The following ZNF600 variants were observed in gnomAD, a reference collection of about 807,000 sequenced individuals.
ZNF600 encodes zinc finger protein 600.
In ZNF600, 4 loss-of-function variants were observed where a neutral mutation model predicts 7.3. The observed-to-expected ratio is 0.55, with a 90% CI of 0.27 to 1.25. The LOEUF (loss-of-function observed/expected upper bound fraction) is 1.25. Ranked by LOEUF, ZNF600 falls within the 50% of genes most tolerant of loss-of-function variation. ZNF600 has a pLI of 0.12. For synonymous variants in ZNF600, 290 were observed against 308.9 expected, an observed-to-expected ratio of 0.94 and a Z score of 0.64; for missense variants, 911 against 922.1, an observed-to-expected ratio of 0.99 and a Z score of 0.16.
At chr19:52,810,124 G>C in the ZNF600 span, 2 of 839,538 alleles carry the variant, frequency 2.4e-6, no homozygotes, top group East Asian at 4.9e-5. Context: ...GAGGAGCCGG[G>C]ACTGGTCGAG....
At chr19:52,791,560 G>A (rs2147600957), upstream of ZNF600, among the ~76,000 whole-genome samples, 2 of 150,362 alleles carry the variant, frequency 1.3e-5, no homozygotes, top group Middle Eastern at 3.4e-3. Flanking sequence ...CATGCAACAT[G>A]AGTCCTTAGA....
chr19:52,774,912 A>G (rs1171582716), intron 2 of ZNF600, among the ~76,000 whole-genome samples: 1 of 152,134 alleles, frequency 6.6e-6, no homozygotes, highest in Non-Finnish European at 1.5e-5. Flanking sequence ...GGAAGTCTCA[A>G]TTTCATAGAC....
At chr19:52,823,960 G>T in the ZNF600 span, among the ~76,000 whole-genome samples, 1 of 151,968 alleles carries the variant, frequency 6.6e-6, no homozygotes, top group Non-Finnish European at 1.5e-5. Context: ...CTACTCGGGA[G>T]GCTGAGGGAG....
the ZNF600 span, chr19:52,798,555 T>A: frequency 1.8e-5 from 9 of 506,038 alleles, no homozygotes; most frequent in Admixed American, 6.4e-5. Flanking sequence ...CTGATGTCTA[T>A]TGAGGTGTGA....
At chr19:52,793,801 CACACACACACACACACA>C in the ZNF600 span, among the ~76,000 whole-genome samples, 18 of 147,458 alleles carry the variant, frequency 1.2e-4, no homozygotes, top group African/African-American at 3.6e-4. Context: ...CACACACACA[CACACACACACACACACA>C]AAAGTGATGT....
intron 1 of ZNF600, among the ~76,000 whole-genome samples, chr19:52,783,773 A>G (rs577632919): frequency 6.6e-6 from 1 of 151,604 alleles, no homozygotes; most frequent in East Asian, 1.9e-4. Flanking sequence ...GTTTTGCTCC[A>G]TTCTTTTTTG....
the ZNF600 span, among the ~76,000 whole-genome samples, chr19:52,827,808 G>A: frequency 6.6e-6 from 1 of 151,896 alleles, no homozygotes; most frequent in Non-Finnish European, 1.5e-5. Context: ...GCCTCCCAAA[G>A]TGCTGGGATA....
chr19:52,810,858 T>TC, the ZNF600 span: 1 of 45,064 alleles, frequency 2.2e-5, no homozygotes, highest in Non-Finnish European at 3.5e-5. Context: ...CCTCTCCCTC[T>TC]CCCCCTCCCC....
upstream of ZNF600, among the ~76,000 whole-genome samples, chr19:52,791,135 T>TGCAC (rs2062789908): frequency 6.6e-6 from 1 of 152,266 alleles, no homozygotes; most frequent in African/African-American, 2.4e-5. Context: ...TATTAAAGTA[T>TGCAC]ATGTTTCATA....
At chr19:52,783,152 C>T (rs1047249881) in intron 1 of ZNF600, among the ~76,000 whole-genome samples, 4 of 151,510 alleles carry the variant, frequency 2.6e-5, no homozygotes, top group East Asian at 1.9e-4. Context: ...CTGCCTCTGA[C>T]GCCATCATTA....
At chr19:52,814,063 T>C in the ZNF600 span, among the ~76,000 whole-genome samples, 1 of 146,678 alleles carries the variant, frequency 6.8e-6, no homozygotes, top group Admixed American at 6.9e-5. Flanking sequence ...TACTACAGAA[T>C]TTCTTCTAAA....
At chr19:52,765,921 C>G (rs775285032) in exon 4 of ZNF600, 1 of 1,614,124 alleles carries the variant, frequency 6.2e-7, no homozygotes, top group Non-Finnish European at 8.5e-7. Context: ...ACATTCATTA[C>G]ACTTGTAAGG....
At chr19:52,816,659 C>A in the ZNF600 span, among the ~76,000 whole-genome samples, 4 of 85,068 alleles carry the variant, frequency 4.7e-5, no homozygotes, top group Admixed American at 3.5e-4. Context: ...GTGAAAACAT[C>A]ATCTCAAAAA....
At position 52,771,758 on chromosome 19, in the gene ZNF600, G is replaced by A. The variant is rs1020640065; in HGVS notation, c.190+2817C>T. 5.9e-5 allele frequency among the ~76,000 whole-genome samples: 9 copies of A among 152,214 alleles called. No homozygotes were observed. The East Asian group carries it at 1.4e-3, about 23-fold the overall frequency. On this transcript the variant is annotated intron_variant, in intron 3 of 3. Transcript: ENST00000648973. ...CTCCCAAATTTTTGGGATTATAGTC[G>A]TGAGCCATCACGCCCGTCCAATTTT...
chr19:52,767,855 C>A (rs1310526759), intron 3 of ZNF600, 83 bp from the exon 6 acceptor site: 23 of 1,453,652 alleles, frequency 1.6e-5, no homozygotes, highest in Non-Finnish European at 2.1e-5. Flanking sequence ...ACACAAAAAA[C>A]AATACTTATT....
chr19:52,781,762 T>TAA (rs57635477), intron 1 of ZNF600, among the ~76,000 whole-genome samples: 5 of 142,440 alleles, frequency 3.5e-5, no homozygotes, highest in Non-Finnish European at 6.2e-5. Context: ...CACTCTATCT[T>TAA]AAAAAAAAAA....
At chr19:52,775,148 G>A (rs888627146) in intron 2 of ZNF600, among the ~76,000 whole-genome samples, 1 of 152,136 alleles carries the variant, frequency 6.6e-6, no homozygotes, top group Non-Finnish European at 1.5e-5. Context: ...GCTGAGGCAG[G>A]AGAATCACTT....
In ZNF600 at chr19:52,768,884, G is replaced by A. The variant is rs376746168; in HGVS notation, c.191-1112C>T. On this transcript the variant is annotated intron_variant, in intron 3 of 3. Transcript: ENST00000648973. ...GAATGTCATTAATCATTAGTTGGTA[G>A]CAATTACTCTTTATTCCAATATTAT... Among the ~76,000 whole-genome samples the A allele has an allele frequency of 4.9e-4, 74 of 152,228 alleles. 1 individual carries two copies. The highest frequency in any genetic ancestry group is 1.7e-3 in the African/African-American group (69 of 41,542).
chr19:52,813,905 G>A, the ZNF600 span, among the ~76,000 whole-genome samples: 1 of 146,068 alleles, frequency 6.8e-6, no homozygotes, highest in Non-Finnish European at 1.5e-5. Context: ...GAGGAAGTGG[G>A]AACAGGGAGG....
Sources: allele counts gnomAD v4.1 joint callset (sites outside exome capture counted in the v4.1 genomes callset), GRCh38; gene constraint gnomAD v4.1.1; transcripts MANE v1.5; gene names NCBI Gene and HGNC (gene_info 2026-07-23, HGNC 2026-07-21).